Variants in DGKB observed in about 807,000 individuals in gnomAD.
DGKB encodes the protein 90 kDa diacylglycerol kinase.
DGKB carries 67 observed loss-of-function variants against 114.3 expected under a neutral mutation model. That is an observed-to-expected ratio of 0.59 (90% CI 0.48 to 0.72). The LOEUF (loss-of-function observed/expected upper bound fraction) is 0.72, where lower values mean the gene tolerates loss of function less well. DGKB is among the 30% of genes least tolerant of loss of function. The pLI is 0.00. For missense variants in DGKB, 907 were observed against 975.2 expected, an observed-to-expected ratio of 0.93 and a Z score of 0.93; for synonymous variants, 398 against 323.1, an observed-to-expected ratio of 1.23 and a Z score of -2.49.
intron 1 of DGKB, among the ~76,000 whole-genome samples, chr7:14,955,066 G>C (rs1786421056): frequency 6.6e-6 from 1 of 151,982 alleles, no homozygotes; most frequent in Non-Finnish European, 1.5e-5. Flanking sequence ...GCTGACTGTA[G>C]GGTTGTGAAA....
chr7:14,837,473 G>T (rs1479889762), intron 2 of DGKB, among the ~76,000 whole-genome samples: 1 of 152,118 alleles, frequency 6.6e-6, no homozygotes, highest in South Asian at 2.1e-4. Flanking sequence ...CTTATTCCAA[G>T]AAAGCAAATA....
At chr7:14,825,079 G>C (rs1174154280) in intron 2 of DGKB, among the ~76,000 whole-genome samples, 1 of 134,898 alleles carries the variant, frequency 7.4e-6, no homozygotes, top group Non-Finnish European at 1.6e-5. Context: ...GGTAAGCAGA[G>C]ATATATAGAG....
intron 23 of DGKB, among the ~76,000 whole-genome samples, chr7:14,337,873 G>T (rs1351107622): frequency 6.6e-6 from 1 of 152,010 alleles, no homozygotes; most frequent in East Asian, 1.9e-4. Context: ...TAAGAATTAG[G>T]TATCATGTCC....
At chr7:14,567,299 A>T (rs1797620297) in intron 20 of DGKB, among the ~76,000 whole-genome samples, 1 of 40,664 alleles carries the variant, frequency 2.5e-5, no homozygotes, top group Non-Finnish European at 4.0e-5. Context: ...TAATATATTT[A>T]TATATTATAT....
intron 6 of DGKB, among the ~76,000 whole-genome samples, chr7:14,707,076 T>G (rs1214995161): frequency 6.8e-6 from 1 of 148,092 alleles, no homozygotes. Flanking sequence ...CTAGCAAGAC[T>G]AATAAAGAAA....
At chr7:14,313,515 CG>C (rs758729289) in intron 23 of DGKB, among the ~76,000 whole-genome samples, 22 of 152,180 alleles carry the variant, frequency 1.4e-4, no homozygotes, top group African/African-American at 1.9e-4. Context: ...GGGTGACGGA[CG>C]GCACCTGGAA....
At chr7:14,241,985 CACAT>C (rs986768990) in intron 23 of DGKB, among the ~76,000 whole-genome samples, 5 of 149,056 alleles carry the variant, frequency 3.4e-5, no homozygotes, top group Middle Eastern at 3.5e-3. Context: ...CACACACACA[CACAT>C]ATATATATAC....
intron 25 of DGKB, among the ~76,000 whole-genome samples, chr7:14,172,855 C>G (rs1781210642): frequency 6.6e-6 from 1 of 152,080 alleles, no homozygotes; most frequent in African/African-American, 2.4e-5. Flanking sequence ...TCCCTCTACC[C>G]TCCACCCCAA....
At chr7:14,864,254 T>A (rs1055445404) in intron 1 of DGKB, among the ~76,000 whole-genome samples, 4 of 152,198 alleles carry the variant, frequency 2.6e-5, no homozygotes, top group African/African-American at 9.6e-5. Flanking sequence ...TAGTTGTGTT[T>A]AAATCACTTA....
At chr7:14,491,464 G>A (rs1584354918) in intron 20 of DGKB, among the ~76,000 whole-genome samples, 1 of 151,996 alleles carries the variant, frequency 6.6e-6, no homozygotes, top group South Asian at 2.1e-4. Flanking sequence ...TTGCAGCATG[G>A]AAATGGACTA....
At chr7:14,242,893 G>C (rs73067896) in intron 23 of DGKB, among the ~76,000 whole-genome samples, 3 of 147,898 alleles carry the variant, frequency 2.0e-5, no homozygotes, top group African/African-American at 7.5e-5. Context: ...AGTATGTGAC[G>C]CTTTCTGAGT....
At chr7:14,450,735 A>G (rs1267542661) in intron 21 of DGKB, among the ~76,000 whole-genome samples, 5 of 152,068 alleles carry the variant, frequency 3.3e-5, no homozygotes, top group Non-Finnish European at 7.4e-5. Context: ...AGAAAGTAGC[A>G]AAGAGCAGAA....
At chr7:14,442,980 T>C (rs767273466) in intron 21 of DGKB, among the ~76,000 whole-genome samples, 1 of 152,178 alleles carries the variant, frequency 6.6e-6, no homozygotes, top group Non-Finnish European at 1.5e-5. Context: ...AAATGTGGTT[T>C]ACCTGATAAT....
chr7:14,556,289 G>C (rs568197507), intron 20 of DGKB, among the ~76,000 whole-genome samples: 6 of 151,674 alleles, frequency 4.0e-5, no homozygotes, highest in African/African-American at 1.5e-4. Flanking sequence ...CATAATAACT[G>C]GTAATATTAA....
chr7:14,777,806 G>C (rs1838429097), intron 2 of DGKB, among the ~76,000 whole-genome samples: 1 of 152,172 alleles, frequency 6.6e-6, no homozygotes, highest in South Asian at 2.1e-4. Flanking sequence ...GTGTGAACGG[G>C]TCAACGGGCT....
At chr7:14,744,979 T>A (rs1639237) in intron 4 of DGKB, among the ~76,000 whole-genome samples, 54,087 of 151,994 alleles carry the variant, frequency 0.36, 13,336 homozygotes, top group African/African-American at 0.69. Flanking sequence ...GTTATCCTGC[T>A]AATCCTGACA....
intron 1 of DGKB, among the ~76,000 whole-genome samples, chr7:14,909,078 A>T (rs1783853676): frequency 1.3e-5 from 2 of 152,214 alleles, no homozygotes; most frequent in Non-Finnish European, 2.9e-5. Context: ...GGCTCATTCT[A>T]AGCCTCAATT....
In DGKB at chr7:14,852,487, C is replaced by CAAAAAAACAACAACAAAAAAA. The variant is rs1554304213; in HGVS notation, c.-187-11038_-187-11037insTTTTTTTGTTGTTGTTTTTTT. ...GAGGAATAGCTAAAATAGTGAAAGT[C>CAAAAAAACAACAACAAAAAAA]AAAAAAAAAACAGAAATCAAGCATA... is the stretch of plus-strand genomic sequence containing the variant. On this transcript the variant is annotated intron_variant, in intron 1 of 25. Transcript: ENST00000402815. Among the ~76,000 whole-genome samples, 27 of 63,618 alleles carry CAAAAAAACAACAACAAAAAAA rather than the reference C, an allele frequency of 4.2e-4. 5 individuals carry two copies. Among genetic ancestry groups the CAAAAAAACAACAACAAAAAAA allele is most frequent in the Middle Eastern group, 8.8e-3 (1 of 114 alleles). The allele number at this position is 63,618 out of a possible 152,430, so 41.7% of individuals were successfully genotyped here. A position where few individuals can be genotyped will look rare whatever the true frequency, so the allele number is the denominator to read the frequency against.
intron 2 of DGKB, among the ~76,000 whole-genome samples, chr7:14,838,526 C>T (rs899397706): frequency 2.0e-5 from 3 of 148,196 alleles, no homozygotes; most frequent in Non-Finnish European, 4.5e-5. Flanking sequence ...TCAGATCACT[C>T]TCTCTCTTCC....
Sources: gnomAD v4.1 joint callset for allele counts (sites outside exome capture counted in the v4.1 genomes callset) on GRCh38, gnomAD v4.1.1 for gene constraint, MANE v1.5 for transcripts, NCBI Gene and HGNC (gene_info 2026-07-23, HGNC 2026-07-21) for gene names.